The following SLC26A2 variants were observed in gnomAD, a reference collection of about 807,000 sequenced individuals.
SLC26A2 encodes the protein sulfate transporter.
In SLC26A2, 36 loss-of-function variants were observed where a neutral mutation model predicts 41.1. The observed-to-expected ratio is 0.88, with a 90% CI of 0.67 to 1.16. The LOEUF (loss-of-function observed/expected upper bound fraction) is 1.16. Ranked by LOEUF, SLC26A2 falls within the 50% of genes most tolerant of loss-of-function variation. The probability of loss-of-function intolerance (pLI) is 0.00; values close to 1 mark genes in which losing one functional copy is unlikely to be tolerated. For synonymous variants in SLC26A2, 291 were observed against 311.6 expected, an observed-to-expected ratio of 0.93 and a Z score of 0.70; for missense variants, 796 against 869.6, an observed-to-expected ratio of 0.92 and a Z score of 1.07.
Position 149,983,194 on chromosome 5 carries a change from A to G in SLC26A2, c.*1381A>G, listed in dbSNP as rs1755137563. The G allele has an allele frequency of 6.6e-6, 1 of 151,924 alleles. No homozygotes were observed. The highest frequency in any genetic ancestry group is 6.6e-5 in the Admixed American group (1 of 15,234). 9.4% of individuals were successfully genotyped at this position (151,924 alleles called of 1,614,324 possible). A position where few individuals can be genotyped will look rare whatever the true frequency, so the allele number is the denominator to read the frequency against. ...TACATGTTTAATATGTATATTTAAA[A>G]TGCATATATATTTTATTATATCTAT... is the stretch of plus-strand genomic sequence containing the variant. On this transcript the variant is annotated 3_prime_UTR_variant, in exon 3 of 3. Coordinates refer to ENST00000286298, the MANE Select transcript of SLC26A2 (RefSeq NM_000112.4).
chr5:149,971,296 A>T (rs1241213157), intron 1 of SLC26A2, among the ~76,000 whole-genome samples: 2 of 152,210 alleles, frequency 1.3e-5, no homozygotes, highest in Admixed American at 6.5e-5. Context: ...TAGTGCTGTG[A>T]TCTTCCCTGG....
chr5:149,982,964 A>G lies in SLC26A2; in HGVS notation c.*1151A>G, dbSNP rs1755135015. 1 of 152,142 alleles carries G rather than the reference A, an allele frequency of 6.6e-6. No homozygotes were observed. The highest frequency in any genetic ancestry group is 1.5e-5 in the Non-Finnish European group (1 of 68,020). 9.4% of individuals were successfully genotyped at this position (152,142 alleles called of 1,614,324 possible). A position where few individuals can be genotyped will look rare whatever the true frequency, so the allele number is the denominator to read the frequency against. On this transcript the variant is annotated 3_prime_UTR_variant, in exon 3 of 3. Coordinates refer to ENST00000286298, the MANE Select transcript of SLC26A2 (RefSeq NM_000112.4). Reference sequence around the variant, plus strand: ...TTATATTTGGACCTTGAAAGGTAAGAAAAAACCAGGTTCTCCAAAGTTAGG... The same window carrying G: ...TTATATTTGGACCTTGAAAGGTAAGGAAAAACCAGGTTCTCCAAAGTTAGG...
Position 149,981,325 on chromosome 5 carries a change from A to C in SLC26A2, c.1732A>C (p.Ile578Leu). 6.2e-7 allele frequency: 1 copy of C among 1,614,160 alleles called. No homozygotes were observed. The highest frequency in any genetic ancestry group is 8.5e-7 in the Non-Finnish European group (1 of 1,180,010). Residue 578 changes from isoleucine to leucine, a missense_variant, in exon 3 of 3, where the codon ATC (isoleucine) becomes CTC (leucine). Transcript: ENST00000286298. ...CAAGAACCTTCAGATTAAGCCAGGCATCAAGATTTTCCGCTTTGTAGCCCC... is the reference window on the plus strand; with the variant it reads ...CAAGAACCTTCAGATTAAGCCAGGCCTCAAGATTTTCCGCTTTGTAGCCCC... ...AYKNLQIKPG[I>L]KIFRFVAPLY...
Position 149,981,859 on chromosome 5 carries a change from C to T in SLC26A2, c.*46C>T, listed in dbSNP as rs1038813518. The T allele has an allele frequency of 1.4e-6, 2 of 1,464,438 alleles. No homozygotes were observed. The highest frequency in any genetic ancestry group is 2.8e-5 in the African/African-American group (2 of 71,596). The allele number at this position is 1,464,438 out of a possible 1,614,324, so 90.7% of individuals were successfully genotyped here. A position where few individuals can be genotyped will look rare whatever the true frequency, so the allele number is the denominator to read the frequency against. ...ATGTCTAGCCAATAGGTTAAAATTT[C>T]AAGTGTCCAACATTTCCCAGTTCCA... On this transcript the variant is annotated 3_prime_UTR_variant, in exon 3 of 3. Transcript: ENST00000286298.
rs1202996931 is a variant in SLC26A2 at position 149,980,582 on chromosome 5, AGGC to A, written c.990_992del (p.Ala331del). 3.1e-6 allele frequency: 5 copies of A among 1,614,166 alleles called. No homozygotes were observed. Among genetic ancestry groups the A allele is most frequent in the Non-Finnish European group, 4.2e-6 (5 of 1,180,022 alleles). On this transcript the variant is annotated inframe_deletion, in exon 3 of 3. Transcript: ENST00000286298. ...AATGAACACTTCAAATCCAAGCTTA[AGGC>A]ACCGATTCCTATTGAACTTGTTGTT... is the stretch of plus-strand genomic sequence containing the variant.
At chr5:149,971,017 A>G (rs1754890607) in intron 1 of SLC26A2, among the ~76,000 whole-genome samples, 1 of 152,238 alleles carries the variant, frequency 6.6e-6, no homozygotes, top group Non-Finnish European at 1.5e-5. Context: ...AAGTTAGCCA[A>G]TCCAGCTGGA....
intron 1 of SLC26A2, among the ~76,000 whole-genome samples, chr5:149,973,163 A>T (rs1391541109): frequency 6.6e-6 from 1 of 152,156 alleles, no homozygotes; most frequent in Non-Finnish European, 1.5e-5. Context: ...TATTTAAAAA[A>T]AATAATAATA....
chr5:149,967,708 A>G (rs916098294), intron 1 of SLC26A2, among the ~76,000 whole-genome samples: 12 of 151,638 alleles, frequency 7.9e-5, no homozygotes, highest in African/African-American at 1.9e-4. Flanking sequence ...AGTAAACTCT[A>G]TTTTCTTTCT....
At chr5:149,964,982 C>T (rs1754780931) in intron 1 of SLC26A2, among the ~76,000 whole-genome samples, 1 of 152,052 alleles carries the variant, frequency 6.6e-6, no homozygotes, top group Admixed American at 6.6e-5. Context: ...ACAATAATGA[C>T]AAAACCCATA....
At chr5:149,966,929 C>T (rs934087458) in intron 1 of SLC26A2, among the ~76,000 whole-genome samples, 1 of 152,172 alleles carries the variant, frequency 6.6e-6, no homozygotes, top group African/African-American at 2.4e-5. Context: ...AATACATTTC[C>T]CAAGGCTGCG....
At position 149,983,871 on chromosome 5, in the gene SLC26A2, T is replaced by A. The variant is rs1755147218; in HGVS notation, c.*2058T>A. 1 of 152,238 alleles carries A rather than the reference T, an allele frequency of 6.6e-6. No individual in the cohort carries two copies. The highest frequency in any genetic ancestry group is 6.5e-5 in the Admixed American group (1 of 15,286). The allele number at this position is 152,238 out of a possible 1,614,324, so 9.4% of individuals were successfully genotyped here. A position where few individuals can be genotyped will look rare whatever the true frequency, so the allele number is the denominator to read the frequency against. On this transcript the variant is annotated 3_prime_UTR_variant, in exon 3 of 3. Transcript: ENST00000286298. ...GGATTACAGGCGTGAGCCACTGCACTTGGCCAAGTTATTTATTTTTAATCT... is the reference window on the plus strand; with the variant it reads ...GGATTACAGGCGTGAGCCACTGCACATGGCCAAGTTATTTATTTTTAATCT...
At chr5:149,964,049 C>T (rs1754761692) in intron 1 of SLC26A2, among the ~76,000 whole-genome samples, 1 of 152,124 alleles carries the variant, frequency 6.6e-6, no homozygotes, top group South Asian at 2.1e-4. Flanking sequence ...GTTTTAGGCT[C>T]ATGCATAGAA....
At chr5:149,967,752 A>G (rs1754829825) in intron 1 of SLC26A2, among the ~76,000 whole-genome samples, 1 of 151,504 alleles carries the variant, frequency 6.6e-6, no homozygotes, top group Non-Finnish European at 1.5e-5. Context: ...CTCTCTGTGT[A>G]TATATATATT....
chr5:149,968,323 G>T (rs1754841386), intron 1 of SLC26A2, among the ~76,000 whole-genome samples: 2 of 152,024 alleles, frequency 1.3e-5, no homozygotes, highest in South Asian at 2.1e-4. Context: ...AACTTTTTGA[G>T]GAACCACCAA....
At chr5:149,980,154 A>G in intron 2 of SLC26A2, 139 bp from the exon 3 acceptor site, 1 of 739,656 alleles carries the variant, frequency 1.4e-6, no homozygotes. Context: ...GAGAAGATTG[A>G]TATATGATTG....
chr5:149,976,284 T>G (rs991661191), intron 1 of SLC26A2, among the ~76,000 whole-genome samples: 2 of 152,362 alleles, frequency 1.3e-5, no homozygotes, highest in African/African-American at 4.8e-5. Flanking sequence ...CAGATTACAC[T>G]GATGAACAAG....
At chr5:149,967,467 CT>C (rs1005345913) in intron 1 of SLC26A2, among the ~76,000 whole-genome samples, 29 of 152,240 alleles carry the variant, frequency 1.9e-4, no homozygotes, top group African/African-American at 5.5e-4. Flanking sequence ...TTAGTATAAA[CT>C]TTTTTTCTTT....
chr5:149,966,525 A>G (rs1303201355), intron 1 of SLC26A2, among the ~76,000 whole-genome samples: 1 of 152,162 alleles, frequency 6.6e-6, no homozygotes, highest in African/African-American at 2.4e-5. Flanking sequence ...AATGGCCTAG[A>G]TTTCTTAGGA....
chr5:149,968,344 A>T (rs1035894861), intron 1 of SLC26A2, among the ~76,000 whole-genome samples: 8 of 152,220 alleles, frequency 5.3e-5, no homozygotes, highest in African/African-American at 1.4e-4. Flanking sequence ...ACTGTTTTTC[A>T]CAGTGTTGGC....
Sources: gnomAD v4.1 joint callset for allele counts (sites outside exome capture counted in the v4.1 genomes callset) on GRCh38, gnomAD v4.1.1 for gene constraint, MANE v1.5 for transcripts, NCBI Gene and HGNC (gene_info 2026-07-23, HGNC 2026-07-21) for gene names.